The following RCOR1 variants were observed in gnomAD, a reference collection of about 807,000 sequenced individuals.
The protein encoded by RCOR1 is REST corepressor.
A neutral mutation model predicts 64.0 loss-of-function variants in RCOR1; 12 were observed. The ratio of observed to expected loss-of-function variants is 0.19; its 90% CI spans 0.12 to 0.30. The LOEUF (loss-of-function observed/expected upper bound fraction) is 0.30. Ranked by LOEUF, RCOR1 falls within the 10% of genes least tolerant of loss-of-function variation. The pLI, the probability that RCOR1 is intolerant of heterozygous loss-of-function variation, is 1.00. For missense variants in RCOR1, 502 were observed against 621.2 expected, an observed-to-expected ratio of 0.81 and a Z score of 2.04; for synonymous variants, 279 against 227.2, an observed-to-expected ratio of 1.23 and a Z score of -2.05.
intron 3 of RCOR1, among the ~76,000 whole-genome samples, chr14:102,686,761 A>G (rs1163074248): frequency 1.3e-5 from 2 of 152,074 alleles, no homozygotes. Context: ...TGGATAGTTC[A>G]TTTCTTTTTA....
At chr14:102,701,577 GTGATTAC>G (rs1173964223) in intron 4 of RCOR1, among the ~76,000 whole-genome samples, 2 of 152,178 alleles carry the variant, frequency 1.3e-5, no homozygotes, top group Non-Finnish European at 2.9e-5. Context: ...TGATTACTTA[GTGATTAC>G]TAAGGAGCTG....
At chr14:102,610,143 A>G (rs890350111) in intron 2 of RCOR1, among the ~76,000 whole-genome samples, 2 of 152,102 alleles carry the variant, frequency 1.3e-5, no homozygotes, top group Admixed American at 6.6e-5. Context: ...AAAAAAAAAA[A>G]AGAGAAATCG....
rs990999742 is a variant in RCOR1, at chr14:102,730,095, C to T, written c.*3589C>T. 2.3e-5 allele frequency: 9 copies of T among 398,678 alleles called. No homozygotes were observed. Among genetic ancestry groups the T allele is most frequent in the African/African-American group, 1.9e-4 (9 of 48,630 alleles). 24.7% of individuals were successfully genotyped at this position (398,678 alleles called of 1,614,324 possible). ...CAGAAGAAGGGAAGGTCAGCAGAGG[C>T]TATGCATGTTGTGTGATGATGAGTG... On this transcript the variant is annotated 3_prime_UTR_variant, in exon 12 of 12. Coordinates refer to ENST00000262241, the MANE Select transcript of RCOR1 (RefSeq NM_015156.4).
intron 2 of RCOR1, among the ~76,000 whole-genome samples, chr14:102,606,706 A>G (rs902184767): frequency 1.5e-5 from 2 of 135,790 alleles, no homozygotes; most frequent in Admixed American, 1.6e-4. Context: ...AACATGGCCC[A>G]CTGCATGCAG....
At chr14:102,651,191 A>G (rs1240423837) in intron 2 of RCOR1, 1 of 347,268 alleles carries the variant, frequency 2.9e-6, no homozygotes, top group Non-Finnish European at 4.0e-6. Flanking sequence ...ACAAATATAG[A>G]GGTGTGAAGT....
intron 2 of RCOR1, among the ~76,000 whole-genome samples, chr14:102,653,046 C>T (rs1414456021): frequency 6.6e-6 from 1 of 152,080 alleles, no homozygotes; most frequent in East Asian, 1.9e-4. Flanking sequence ...GATTCTCCTG[C>T]CTCAGCCTCC....
chr14:102,684,728 T>A (rs1027202613), intron 3 of RCOR1, among the ~76,000 whole-genome samples: 49 of 152,340 alleles, frequency 3.2e-4, no homozygotes, highest in African/African-American at 1.1e-3. Context: ...TTCCAATTTT[T>A]TTTGTATGTA....
intron 4 of RCOR1, among the ~76,000 whole-genome samples, chr14:102,702,337 G>T (rs981904109): frequency 2.0e-5 from 3 of 151,990 alleles, no homozygotes; most frequent in African/African-American, 7.2e-5. Context: ...ATGATCATTA[G>T]CATGAAAATT....
intron 6 of RCOR1, 47 bp from the exon 7 acceptor site, chr14:102,710,888 A>G (rs1226515131): frequency 1.5e-6 from 2 of 1,364,986 alleles, no homozygotes; most frequent in Non-Finnish European, 2.0e-6. Flanking sequence ...TTGTATTCGG[A>G]AAATTAGTAC....
At chr14:102,638,043 AACTTCC>A (rs138467031) in intron 2 of RCOR1, among the ~76,000 whole-genome samples, 46 of 152,334 alleles carry the variant, frequency 3.0e-4, no homozygotes, top group African/African-American at 1.1e-3. Context: ...AAAAAAATTT[AACTTCC>A]CCCAGATTGC....
In RCOR1 at chr14:102,726,527, C is replaced by G; in HGVS notation, c.*21C>G. The G allele has an allele frequency of 6.3e-7, 1 of 1,597,672 alleles. No individual in the cohort carries two copies. The highest frequency in any genetic ancestry group is 8.5e-7 in the Non-Finnish European group (1 of 1,170,994). On this transcript the variant is annotated 3_prime_UTR_variant, in exon 12 of 12. Transcript: ENST00000262241. ...CCTGAGAAACTGGTGGCTTTGAACA[C>G]TTGGTGTGGACTACTGTGTTATCCG...
intron 7 of RCOR1, among the ~76,000 whole-genome samples, chr14:102,712,721 C>T (rs959761795): frequency 1.4e-5 from 2 of 142,070 alleles, no homozygotes; most frequent in African/African-American, 2.6e-5. Flanking sequence ...TTTTTTTCTG[C>T]ATAATTTATA....
intron 2 of RCOR1, among the ~76,000 whole-genome samples, chr14:102,667,527 T>TA (rs1238274219): frequency 1.3e-5 from 2 of 151,786 alleles, no homozygotes; most frequent in African/African-American, 2.4e-5. Flanking sequence ...ATGATAATAA[T>TA]AAAAAATAAT....
chr14:102,685,237 G>A (rs931374211), intron 3 of RCOR1, among the ~76,000 whole-genome samples: 2 of 152,102 alleles, frequency 1.3e-5, no homozygotes, highest in African/African-American at 2.4e-5. Flanking sequence ...TCCACAAAAT[G>A]TGAACTGTTA....
chr14:102,623,374 CCTTT>C (rs1330167028), intron 2 of RCOR1, among the ~76,000 whole-genome samples: 9 of 138,524 alleles, frequency 6.5e-5, no homozygotes, highest in East Asian at 1.9e-4. Context: ...CAATTTACTT[CCTTT>C]ATTTATTTAT....
At chr14:102,618,973 C>T (rs978199534) in intron 2 of RCOR1, among the ~76,000 whole-genome samples, 7 of 152,006 alleles carry the variant, frequency 4.6e-5, no homozygotes, top group Admixed American at 1.3e-4. Context: ...GACTTGTTTG[C>T]GAAGTCAGGA....
intron 7 of RCOR1, among the ~76,000 whole-genome samples, chr14:102,713,389 T>C (rs903231689): frequency 1.3e-5 from 2 of 151,402 alleles, no homozygotes; most frequent in Non-Finnish European, 2.9e-5. Flanking sequence ...CTCCCGCCAT[T>C]CTCCTGCTTC....
At chr14:102,634,032 AG>A (rs1330161421) in intron 2 of RCOR1, among the ~76,000 whole-genome samples, 1 of 152,128 alleles carries the variant, frequency 6.6e-6, no homozygotes, top group African/African-American at 2.4e-5. Context: ...TCAAGGAGGT[AG>A]GGTGAGGCTT....
chr14:102,708,678 C>T (rs1013196388), intron 6 of RCOR1, 95 bp downstream of exon 6: 16 of 698,196 alleles, frequency 2.3e-5, no homozygotes, highest in African/African-American at 9.0e-5. Context: ...GTTTTCCCTC[C>T]GCGCCTTCCT....
Sources: allele counts gnomAD v4.1 joint callset (sites outside exome capture counted in the v4.1 genomes callset), GRCh38; gene constraint gnomAD v4.1.1; transcripts MANE v1.5; gene names NCBI Gene and HGNC (gene_info 2026-07-23, HGNC 2026-07-21).